ANKRD36C: variants seen among roughly 807,000 people sequenced by gnomAD.
ANKRD36C encodes the protein ankyrin repeat domain-containing protein 36C.
A neutral mutation model predicts 276.4 loss-of-function variants in ANKRD36C; 61 were observed. That is an observed-to-expected ratio of 0.22 (90% CI 0.18 to 0.27). The LOEUF (loss-of-function observed/expected upper bound fraction) is 0.27, where lower values mean the gene tolerates loss of function less well. Among genes scored for constraint, ANKRD36C ranks in the 10% least tolerant of loss-of-function variants. The pLI, the probability that ANKRD36C is intolerant of heterozygous loss-of-function variation, is 1.00. For synonymous variants in ANKRD36C, 483 were observed against 680.1 expected (o/e 0.71, Z 4.51); for missense variants, 1,447 against 2,032.3 (o/e 0.71, Z 5.54).
chr2:95,929,502 T>G (rs1165590293), intron 24 of ANKRD36C, among the ~76,000 whole-genome samples: 1 of 151,494 alleles, frequency 6.6e-6, no homozygotes, highest in Non-Finnish European at 1.5e-5. Context: ...GATATGACTT[T>G]CTCCATATGT....
chr2:95,949,141 G>A (rs900580636), intron 16 of ANKRD36C, among the ~76,000 whole-genome samples: 2 of 152,112 alleles, frequency 1.3e-5, no homozygotes, highest in African/African-American at 4.8e-5. Flanking sequence ...CTTCACCCTA[G>A]AACACTACAG....
At chr2:95,964,218 A>T (rs372080384) in intron 6 of ANKRD36C, among the ~76,000 whole-genome samples, 1 of 151,046 alleles carries the variant, frequency 6.6e-6, no homozygotes, top group East Asian at 1.9e-4. Context: ...TTAAGCTGCA[A>T]CCCAATATGC....
chr2:95,883,676 A>G (rs1168804638), intron 54 of ANKRD36C, among the ~76,000 whole-genome samples: 1 of 151,998 alleles, frequency 6.6e-6, no homozygotes, highest in Non-Finnish European at 1.5e-5. Context: ...AAATTACCTA[A>G]ATAACTTCTT....
intron 19 of ANKRD36C, among the ~76,000 whole-genome samples, 171 bp from the exon 20 acceptor site, chr2:95,941,370 CAT>C (rs1265235148): frequency 7.2e-6 from 1 of 138,136 alleles, no homozygotes; most frequent in Non-Finnish European, 1.6e-5. Flanking sequence ...AAAAAAGAAA[CAT>C]AAAAACAAAC....
chr2:95,987,317 G>C, intron 1 of ANKRD36C, 111 bp from the exon 2 acceptor site: 11 of 1,472,012 alleles, frequency 7.5e-6, no homozygotes, highest in Non-Finnish European at 9.9e-6. Context: ...AAGTACATTT[G>C]TTAGCGCTTA....
chr2:95,936,392 T>C (rs1391453414), intron 22 of ANKRD36C, among the ~76,000 whole-genome samples: 1 of 152,258 alleles, frequency 6.6e-6, no homozygotes, highest in Non-Finnish European at 1.5e-5. Flanking sequence ...AAGAAATATA[T>C]TTCTTGATTG....
intron 42 of ANKRD36C, among the ~76,000 whole-genome samples, chr2:95,902,460 A>G (rs1676681985): frequency 6.7e-6 from 1 of 149,118 alleles, no homozygotes; most frequent in Non-Finnish European, 1.5e-5. Flanking sequence ...TTGCTACACC[A>G]GGGGTCTCCT....
At chr2:95,895,415 TC>T (rs1252609669) in intron 44 of ANKRD36C, 1 of 1,161,664 alleles carries the variant, frequency 8.6e-7, no homozygotes, top group African/African-American at 1.8e-5. Flanking sequence ...TAGATGTTTC[TC>T]CATCCTTTCT....
intron 19 of ANKRD36C, among the ~76,000 whole-genome samples, chr2:95,943,276 G>C (rs966928171): frequency 6.6e-6 from 1 of 152,298 alleles, no homozygotes; most frequent in Admixed American, 6.5e-5. Flanking sequence ...GAGGTCAGGA[G>C]ATCGAGACCA....
At chr2:95,914,065 C>G in intron 40 of ANKRD36C, 43 bp downstream of exon 42, 1 of 1,509,992 alleles carries the variant, frequency 6.6e-7, no homozygotes, top group Middle Eastern at 2.0e-4. Context: ...AATTTCTTAT[C>G]TATCTCGACT....
intron 20 of ANKRD36C, among the ~76,000 whole-genome samples, chr2:95,940,244 C>T (rs552141556): frequency 6.6e-6 from 1 of 152,418 alleles, no homozygotes; most frequent in African/African-American, 2.4e-5. Context: ...GGATGGTCTC[C>T]ATCTCCTGAC....
chr2:95,880,154 T>G (rs1413788269), intron 58 of ANKRD36C, among the ~76,000 whole-genome samples: 1 of 150,000 alleles, frequency 6.7e-6, no homozygotes, highest in Admixed American at 6.7e-5. Flanking sequence ...CACTCCACCC[T>G]GGGCAACAAG....
intron 60 of ANKRD36C, among the ~76,000 whole-genome samples, chr2:95,863,700 A>C (rs4063050): frequency 8.5e-5 from 13 of 152,154 alleles, no homozygotes; most frequent in African/African-American, 2.9e-4. Context: ...TGTGAAGGAA[A>C]CTTAAATGCA....
At chr2:95,867,462 A>G (rs1675706977) in exon 60 of ANKRD36C, 2 of 1,402,252 alleles carry the variant, frequency 1.4e-6, no homozygotes, top group Non-Finnish European at 1.9e-6. Context: ...TTTCATGTTG[A>G]TCAATGAGTA....
At chr2:95,986,284 A>G (rs1171714710) in intron 3 of ANKRD36C, among the ~76,000 whole-genome samples, 2 of 152,088 alleles carry the variant, frequency 1.3e-5, no homozygotes, top group Non-Finnish European at 2.9e-5. Flanking sequence ...CCACAGAGGA[A>G]TCACTTTCAG....
rs373410213 is a variant in ANKRD36C, at chr2:95,962,002, G to A, written c.901+350C>T. 1.1e-4 allele frequency among the ~76,000 whole-genome samples: 16 copies of A among 151,936 alleles called. 2 individuals carry two copies. The East Asian group carries it at 1.2e-3, about 11-fold the overall frequency. ...TTCTTCCATGTGGTTTTAACAATCTGATCTGACACCTATAATTTTTATTAC... is the reference window on the plus strand; with the variant it reads ...TTCTTCCATGTGGTTTTAACAATCTAATCTGACACCTATAATTTTTATTAC... On this transcript the variant is annotated intron_variant, in intron 8 of 66. Transcript: ENST00000456556.
intron 12 of ANKRD36C, among the ~76,000 whole-genome samples, chr2:95,957,511 T>C (rs1242104544): frequency 6.6e-6 from 1 of 152,420 alleles, no homozygotes; most frequent in South Asian, 2.1e-4. Flanking sequence ...ATAATGAGCC[T>C]ACACTTTTGT....
intron 22 of ANKRD36C, among the ~76,000 whole-genome samples, chr2:95,937,028 C>A (rs368402378): frequency 0.051 from 5,308 of 105,036 alleles, no homozygotes; most frequent in African/African-American, 0.09. Context: ...TTATCAAAGA[C>A]TCAGCAAACT....
intron 44 of ANKRD36C, among the ~76,000 whole-genome samples, 188 bp from the exon 65 acceptor site, chr2:95,892,048 T>G (rs1318621522): frequency 6.6e-6 from 1 of 151,548 alleles, no homozygotes; most frequent in Non-Finnish European, 1.5e-5. Flanking sequence ...ACAGGCTCCA[T>G]GAAATATAGT....
Sources: allele counts gnomAD v4.1 joint callset (sites outside exome capture counted in the v4.1 genomes callset), GRCh38; gene constraint gnomAD v4.1.1; transcripts MANE v1.5; gene names NCBI Gene and HGNC (gene_info 2026-07-23, HGNC 2026-07-21).